Variants in ZNF813 observed in about 807,000 individuals in gnomAD.
ZNF813 encodes zinc finger protein 813.
In ZNF813, 3 loss-of-function variants were observed where a neutral mutation model predicts 7.2. The ratio of observed to expected loss-of-function variants is 0.42; its 90% CI spans 0.19 to 1.08. The LOEUF is 1.08. Ranked by LOEUF, ZNF813 falls within the 50% of genes least tolerant of loss-of-function variation. ZNF813 has a pLI of 0.30. For missense variants in ZNF813, 714 were observed against 753.3 expected (o/e 0.95, Z 0.61); for synonymous variants, 227 against 256.3 (o/e 0.89, Z 1.09).
At chr19:53,484,855 C>T (rs776385030) in intron 2 of ZNF813, among the ~76,000 whole-genome samples, 5 of 152,228 alleles carry the variant, frequency 3.3e-5, no homozygotes, top group South Asian at 4.1e-4. Flanking sequence ...TGCGAGGCAC[C>T]GTGCCCAGCC....
intron 2 of ZNF813, among the ~76,000 whole-genome samples, chr19:53,485,292 A>T (rs2086426790): frequency 6.6e-6 from 1 of 152,078 alleles, no homozygotes; most frequent in African/African-American, 2.4e-5. Context: ...CCAACTGCCA[A>T]TGTGTCCTTT....
At chr19:53,468,955 A>G (rs548183498) in intron 1 of ZNF813, among the ~76,000 whole-genome samples, 1 of 148,410 alleles carries the variant, frequency 6.7e-6, no homozygotes, top group Non-Finnish European at 1.5e-5. Flanking sequence ...CCACGAGGCC[A>G]TATCTCAGGC....
At chr19:53,469,881 TAG>T (rs2086348156) in intron 1 of ZNF813, among the ~76,000 whole-genome samples, 1 of 151,628 alleles carries the variant, frequency 6.6e-6, no homozygotes, top group Middle Eastern at 3.4e-3. Context: ...AACTGAGGAC[TAG>T]AGAGACTGCT....
At chr19:53,485,571 C>T (rs532774307) in intron 2 of ZNF813, among the ~76,000 whole-genome samples, 11 of 128,722 alleles carry the variant, frequency 8.5e-5, no homozygotes, top group Non-Finnish European at 3.5e-5. Context: ...GACATATATA[C>T]ATGTATGTCA....
Position 53,487,356 on chromosome 19 carries a change from GT to G in ZNF813, c.142+601del, listed in dbSNP as rs2086439257. Among the ~76,000 whole-genome samples the G allele has an allele frequency of 3.9e-5, 6 of 152,084 alleles. No individual in the cohort carries two copies. The South Asian group carries it at 1.2e-3, about 32-fold the overall frequency. On this transcript the variant is annotated intron_variant, in intron 3 of 3. Coordinates refer to ENST00000396403, the MANE Select transcript of ZNF813 (RefSeq NM_001004301.4). ...TCATTTCTCATTTACTACTTTTTGT[GT>G]TTAATTGCTTTTTTGTGTAGACATG... is the stretch of plus-strand genomic sequence containing the variant.
In ZNF813 at chr19:53,491,713, C is replaced by T; in HGVS notation, c.1481C>T (p.Pro494Leu). 1.3e-6 allele frequency: 2 copies of T among 1,573,542 alleles called. No homozygotes were observed. The highest frequency in any genetic ancestry group is 2.3e-5 in the East Asian group (1 of 43,294). ...ACGGCAATTCATACTGGAGAGAAAC[C>T]TTACAAGTGTAATGAATGTGGCAAG... ...IHTAIHTGEKPYKCNECGKGF... is the reference protein window; with the variant it reads ...IHTAIHTGEKLYKCNECGKGF... The change falls in exon 4 of 4, where the codon CCT (proline) becomes CTT (leucine). Residue 494 changes from proline (P) to leucine (L), a missense_variant. Coordinates refer to ENST00000396403, the MANE Select transcript of ZNF813 (RefSeq NM_001004301.4).
Position 53,493,263 on chromosome 19 carries a change from A to G in ZNF813, c.*1177A>G, listed in dbSNP as rs2086472238. The G allele has an allele frequency of 5.3e-6, 1 of 188,410 alleles. No homozygotes were observed. Among genetic ancestry groups the G allele is most frequent in the African/African-American group, 2.4e-5 (1 of 42,314 alleles). 11.7% of individuals were successfully genotyped at this position (188,410 alleles called of 1,614,324 possible). Reference sequence around the variant, plus strand: ...TGTTCTTTAACAAAAACTGATAGGGATTTTTATGGGTACCGTGTTGAATCT... The same window carrying G: ...TGTTCTTTAACAAAAACTGATAGGGGTTTTTATGGGTACCGTGTTGAATCT... On this transcript the variant is annotated 3_prime_UTR_variant, in exon 4 of 4. Coordinates refer to ENST00000396403, the MANE Select transcript of ZNF813 (RefSeq NM_001004301.4).
rs1285377943 is a variant in ZNF813 at position 53,492,851 on chromosome 19, G to T, written c.*765G>T. ...GCTTCATCCTATGCAAAACATAGGA[G>T]AATTCATACAGGAGAGAAACCTCAC... is the stretch of plus-strand genomic sequence containing the variant. On this transcript the variant is annotated 3_prime_UTR_variant, in exon 4 of 4. Coordinates refer to ENST00000396403, the MANE Select transcript of ZNF813 (RefSeq NM_001004301.4). 11 of 479,006 alleles carry T rather than the reference G, an allele frequency of 2.3e-5. No homozygotes were observed. The highest frequency in any genetic ancestry group is 4.2e-5 in the African/African-American group (2 of 47,718). 29.7% of individuals were successfully genotyped at this position (479,006 alleles called of 1,614,324 possible). A position where few individuals can be genotyped will look rare whatever the true frequency, so the allele number is the denominator to read the frequency against.
rs192096380 is a variant in ZNF813 at position 53,468,085 on chromosome 19, C to T, written c.-74+296C>T. Among the ~76,000 whole-genome samples, 942 of 152,346 alleles carry T rather than the reference C, an allele frequency of 6.2e-3. 9 individuals carry two copies. Among genetic ancestry groups the T allele is most frequent in the Non-Finnish European group, 0.01 (687 of 68,030 alleles). On this transcript the variant is annotated intron_variant, in intron 1 of 3. Transcript: ENST00000396403. The stretch of plus-strand genomic sequence containing the variant: ...CTCCCACCCCGCGCTTTTTGAAGTC[C>T]TCACCCAAGGGGTGGATTCTCGCCC...
chr19:53,495,881 G>A lies in ZNF813; in HGVS notation c.*3795G>A, dbSNP rs952685858. ...TGGTGTGTACTTGACTCCCCTTCTC[G>A]CCAGATCTCACAGGACTTTCAGATT... On this transcript the variant is annotated 3_prime_UTR_variant, in exon 4 of 4. Coordinates refer to ENST00000396403, the MANE Select transcript of ZNF813 (RefSeq NM_001004301.4). The A allele has an allele frequency of 4.1e-5, 10 of 243,504 alleles. No individual in the cohort carries two copies. The East Asian group carries it at 5.2e-4, about 13-fold the overall frequency. The allele number at this position is 243,504 out of a possible 1,614,324, so 15.1% of individuals were successfully genotyped here.
chr19:53,484,482 G>A (rs1273498113), intron 2 of ZNF813, among the ~76,000 whole-genome samples: 1 of 152,082 alleles, frequency 6.6e-6, no homozygotes, highest in African/African-American at 2.4e-5. Flanking sequence ...GAGACTGTGG[G>A]GTTACTGTGG....
Position 53,483,868 on chromosome 19 carries a change from T to C in ZNF813, c.15+31T>C, listed in dbSNP as rs574447054. On this transcript the variant is annotated intron_variant, in intron 2 of 3. Transcript: ENST00000396403. Reference sequence around the variant, plus strand: ...ATGATATTTTTGGTGGATTGTTCTGTCTCCTTCCCCTCAGAAATGCTGGGC... The same window carrying C: ...ATGATATTTTTGGTGGATTGTTCTGCCTCCTTCCCCTCAGAAATGCTGGGC... 22 of 1,613,946 alleles carry C rather than the reference T, an allele frequency of 1.4e-5. No individual in the cohort carries two copies. The African/African-American group carries it at 1.9e-4, about 14-fold the overall frequency.
intron 1 of ZNF813, among the ~76,000 whole-genome samples, chr19:53,469,131 A>C (rs969432848): frequency 6.6e-6 from 1 of 152,354 alleles, no homozygotes; most frequent in South Asian, 2.1e-4. Flanking sequence ...CACACCCTGC[A>C]CAGCCCTAAA....
rs778879921 is a variant in ZNF813, at chr19:53,483,787, AC to A, written c.-34del. ...AAGACTCTTGGTATGTGAGGAAGAA[AC>A]CTGGAAGAGGAAGAGGAAAGCAAAG... On this transcript the variant is annotated 5_prime_UTR_variant, in exon 2 of 4. Transcript: ENST00000396403. The A allele has an allele frequency of 5.0e-6, 8 of 1,612,672 alleles. No homozygotes were observed. Among genetic ancestry groups the A allele is most frequent in the Non-Finnish European group, 6.8e-6 (8 of 1,180,010 alleles).
At chr19:53,481,374 T>G (rs1402784284) in intron 1 of ZNF813, among the ~76,000 whole-genome samples, 2 of 141,292 alleles carry the variant, frequency 1.4e-5, no homozygotes, top group African/African-American at 5.5e-5. Flanking sequence ...GAGATGGAGT[T>G]TCACTCTTGT....
At chr19:53,482,011 C>A (rs920054128) in intron 1 of ZNF813, among the ~76,000 whole-genome samples, 1 of 152,056 alleles carries the variant, frequency 6.6e-6, no homozygotes, top group Non-Finnish European at 1.5e-5. Flanking sequence ...TCTCTGAGCC[C>A]CAGTGAGCCT....
intron 1 of ZNF813, among the ~76,000 whole-genome samples, chr19:53,475,764 G>A (rs1160936219): frequency 6.6e-6 from 1 of 152,218 alleles, no homozygotes; most frequent in African/African-American, 2.4e-5. Flanking sequence ...TGTGCCACTG[G>A]GCGATGCCAC....
intron 1 of ZNF813, among the ~76,000 whole-genome samples, chr19:53,476,437 C>A (rs188908223): frequency 2.4e-4 from 37 of 151,932 alleles, no homozygotes; most frequent in Admixed American, 7.2e-4. Flanking sequence ...AAGACCAGAC[C>A]GGCCAAGATG....
At chr19:53,481,495 C>T (rs1386927438) in intron 1 of ZNF813, among the ~76,000 whole-genome samples, 1 of 151,836 alleles carries the variant, frequency 6.6e-6, no homozygotes, top group Non-Finnish European at 1.5e-5. Context: ...AACAGGCACC[C>T]AGCCACCATG....
Sources: gnomAD v4.1 joint callset for allele counts (sites outside exome capture counted in the v4.1 genomes callset) on GRCh38, gnomAD v4.1.1 for gene constraint, MANE v1.5 for transcripts, NCBI Gene and HGNC (gene_info 2026-07-23, HGNC 2026-07-21) for gene names.